The following STRIP2 variants were observed in gnomAD, a reference collection of about 807,000 sequenced individuals.
STRIP2 encodes the protein striatin interacting protein 2.
Under a neutral mutation model 107.1 loss-of-function variants are expected in STRIP2, and 84 were observed. That is an observed-to-expected ratio of 0.78 (90% CI 0.66 to 0.94). The LOEUF is 0.94. Among genes scored for constraint, STRIP2 ranks in the 40% least tolerant of loss-of-function variants. The pLI is 0.00. For synonymous variants in STRIP2, 394 were observed against 400.4 expected, an observed-to-expected ratio of 0.98 and a Z score of 0.19; for missense variants, 888 against 1,034.2, an observed-to-expected ratio of 0.86 and a Z score of 1.94.
Position 129,476,356 on chromosome 7 carries a change from C to T in STRIP2, c.1945-4429C>T, listed in dbSNP as rs572635694. On this transcript the variant is annotated intron_variant, in intron 18 of 20. Coordinates refer to ENST00000249344, the MANE Select transcript of STRIP2 (RefSeq NM_020704.3). The stretch of plus-strand genomic sequence containing the variant: ...CTTCTCAGACGGGGCGGCTGCCGGG[C>T]GGAGGGGCTCCTCACTTCTCAGACG... 5.8e-5 allele frequency among the ~76,000 whole-genome samples: 8 copies of T among 138,368 alleles called. No homozygotes were observed. The South Asian group carries it at 1.5e-3, about 25-fold the overall frequency. The allele number at this position is 138,368 out of a possible 152,430, so 90.8% of individuals were successfully genotyped here.
In STRIP2 at chr7:129,480,885, C is replaced by A; in HGVS notation, c.2045C>A (p.Thr682Asn). The A allele has an allele frequency of 1.9e-6, 3 of 1,610,020 alleles. No individual in the cohort carries two copies. In the South Asian group the frequency reaches 3.3e-5, roughly 18 times the overall value. Residue 682 changes from threonine to asparagine, a missense_variant, in exon 19 of 21, where the codon ACC becomes AAC. Physicochemically the swap from Thr to Asn is moderately conservative, Grantham distance 65. Coordinates refer to ENST00000249344, the MANE Select transcript of STRIP2 (RefSeq NM_020704.3). ...NKLTKWKHSR[T>N]MMLVVFKSAP... The stretch of plus-strand genomic sequence containing the variant: ...CTGACCAAATGGAAACATTCCCGGA[C>A]CATGGTGAGTGTGGTTTTTTACATC...
At chr7:129,464,498 G>A in intron 15 of STRIP2, 114 bp from the exon 16 acceptor site, 2 of 1,209,956 alleles carry the variant, frequency 1.7e-6, no homozygotes, top group Non-Finnish European at 2.3e-6. Flanking sequence ...AGAAGTTCAA[G>A]TTTCCCAAGT....
At chr7:129,470,216 G>A (rs1239019565) in intron 17 of STRIP2, among the ~76,000 whole-genome samples, 1 of 152,158 alleles carries the variant, frequency 6.6e-6, no homozygotes, top group Non-Finnish European at 1.5e-5. Flanking sequence ...AGAAAGATCT[G>A]GTGAGAGACA....
rs1293462557 is a variant in STRIP2, at chr7:129,461,657, G to A, written c.1476+1285G>A. 6.6e-6 allele frequency among the ~76,000 whole-genome samples: 1 copy of A among 152,216 alleles called. No individual in the cohort carries two copies. The highest frequency in any genetic ancestry group is 1.5e-5 in the Non-Finnish European group (1 of 68,040). On this transcript the variant is annotated intron_variant, in intron 13 of 20. Transcript: ENST00000249344. This position sits in a 1 kb window ranked among gnomAD's most constrained non-coding sequence, Gnocchi z 4.0. ...AGGTGCCCATTGGATTTGGCAACAT[G>A]AAGATAGTGACCTTGATAAGAACAA...
At chr7:129,466,733 A>T (rs1431844485) in intron 16 of STRIP2, among the ~76,000 whole-genome samples, 1 of 152,198 alleles carries the variant, frequency 6.6e-6, no homozygotes, top group Non-Finnish European at 1.5e-5. Context: ...TTCTCAGTGC[A>T]GTATCTGTTG....
intron 18 of STRIP2, among the ~76,000 whole-genome samples, chr7:129,479,491 C>CTTTTTTTTTTTTTTTTT (rs10558221): frequency 1.7e-4 from 23 of 136,362 alleles, no homozygotes; most frequent in Non-Finnish European, 3.5e-4. Flanking sequence ...AATAATGTTT[C>CTTTTTTTTTTTTTTTTT]TTTTTTTTTT....
intron 18 of STRIP2, among the ~76,000 whole-genome samples, chr7:129,479,139 C>T (rs1165148770): frequency 2.0e-5 from 3 of 151,684 alleles, no homozygotes; most frequent in African/African-American, 4.8e-5. Flanking sequence ...CTAGGCGTGG[C>T]GGTGCATTCC....
intron 18 of STRIP2, among the ~76,000 whole-genome samples, chr7:129,476,549 CG>C (rs1355502272): frequency 6.6e-6 from 1 of 150,848 alleles, no homozygotes; most frequent in Non-Finnish European, 1.5e-5. Context: ...GGGTCGCGGC[CG>C]GGCAGAGGCA....
intron 16 of STRIP2, among the ~76,000 whole-genome samples, chr7:129,465,621 A>G (rs1798652733): frequency 6.6e-6 from 1 of 152,186 alleles, no homozygotes; most frequent in Non-Finnish European, 1.5e-5. Flanking sequence ...CCACCCTATG[A>G]AGTAGTCTTA....
At chr7:129,436,752 G>A (rs1797750828) in intron 1 of STRIP2, among the ~76,000 whole-genome samples, 1 of 152,192 alleles carries the variant, frequency 6.6e-6, no homozygotes, top group Admixed American at 6.5e-5. Flanking sequence ...AAAATCACTA[G>A]AAGAGAATTA....
chr7:129,483,287 T>G lies in STRIP2; in HGVS notation c.2254+241T>G. On this transcript the variant is annotated intron_variant, in intron 20 of 20. Coordinates refer to ENST00000249344, the MANE Select transcript of STRIP2 (RefSeq NM_020704.3). This position sits in a 1 kb window ranked among gnomAD's most constrained non-coding sequence, Gnocchi z 5.1. ...ATAAAACAAGTAAATTGAGAGATAA[T>G]TAATTGCCTTTCCAAAACATTCTTT... 8.1e-7 allele frequency: 1 copy of G among 1,232,310 alleles called. No homozygotes were observed. Among genetic ancestry groups the G allele is most frequent in the Admixed American group, 3.8e-5 (1 of 26,234 alleles). The allele number at this position is 1,232,310 out of a possible 1,614,324, so 76.3% of individuals were successfully genotyped here.
chr7:129,466,954 G>A (rs1798684552), intron 16 of STRIP2, among the ~76,000 whole-genome samples: 1 of 152,216 alleles, frequency 6.6e-6, no homozygotes. Flanking sequence ...CAGTTGCCAA[G>A]AGTAAGCTGC....
chr7:129,474,471 A>C (rs1246747950), intron 18 of STRIP2, among the ~76,000 whole-genome samples: 1 of 151,900 alleles, frequency 6.6e-6, no homozygotes, highest in African/African-American at 2.4e-5. Context: ...CCAGCTGCAC[A>C]TGAATCTTTG....
At chr7:129,441,700 A>G (rs893951033) in intron 2 of STRIP2, among the ~76,000 whole-genome samples, 1 of 152,138 alleles carries the variant, frequency 6.6e-6, no homozygotes, top group Non-Finnish European at 1.5e-5. Context: ...AGCTATGCCT[A>G]TGGTCATAGG....
rs775351743 is a variant in STRIP2, at chr7:129,467,460, C to T, written c.1877+10C>T. The T allele has an allele frequency of 3.8e-6, 6 of 1,599,554 alleles. No homozygotes were observed. Among genetic ancestry groups the T allele is most frequent in the Non-Finnish European group, 5.1e-6 (6 of 1,169,030 alleles). On this transcript the variant is annotated intron_variant, in intron 17 of 20. Transcript: ENST00000249344. ...TCACTGCCAAAAACAGGTATGAACTCTGGACAGGTTTATTTCAAGGGGCTA... is the reference window on the plus strand; with the variant it reads ...TCACTGCCAAAAACAGGTATGAACTTTGGACAGGTTTATTTCAAGGGGCTA...
chr7:129,471,352 A>G (rs1584962304), intron 18 of STRIP2, among the ~76,000 whole-genome samples: 1 of 152,046 alleles, frequency 6.6e-6, no homozygotes, highest in East Asian at 1.9e-4. Context: ...ATAAGCCACA[A>G]TCCATACCTC....
intron 19 of STRIP2, 22 bp downstream of exon 19, chr7:129,480,911 A>G: frequency 1.3e-6 from 2 of 1,576,942 alleles, no homozygotes; most frequent in African/African-American, 1.4e-5. Flanking sequence ...TTTTTACATC[A>G]TGGAGTTGTC....
At chr7:129,449,875 G>A (rs943744388) in intron 3 of STRIP2, among the ~76,000 whole-genome samples, 12 of 152,222 alleles carry the variant, frequency 7.9e-5, no homozygotes, top group African/African-American at 2.9e-4. Context: ...GAAGCTGGGA[G>A]ACAGAATCCC....
intron 1 of STRIP2, 62 bp from the exon 2 acceptor site, chr7:129,439,960 C>T: frequency 1.5e-6 from 2 of 1,322,898 alleles, no homozygotes; most frequent in Non-Finnish European, 2.2e-6. Context: ...AGGGTACAGT[C>T]TTCCCTTGGC....
Sources: gnomAD v4.1 joint callset for allele counts (sites outside exome capture counted in the v4.1 genomes callset) on GRCh38, gnomAD v4.1.1 for gene constraint, Gnocchi (gnomAD v3.1) non-coding constraint, MANE v1.5 for transcripts, NCBI Gene and HGNC (gene_info 2026-07-23, HGNC 2026-07-21) for gene names.